Variants in SHTN1 observed in about 807,000 individuals in gnomAD.
SHTN1 encodes the protein shootin 1.
SHTN1 carries 42 observed loss-of-function variants against 83.1 expected under a neutral mutation model. That is an observed-to-expected ratio of 0.51 (90% CI 0.39 to 0.65). The LOEUF (loss-of-function observed/expected upper bound fraction) is 0.65, where lower values mean the gene tolerates loss of function less well. SHTN1 is among the 30% of genes least tolerant of loss of function. The pLI is 0.00. For synonymous variants in SHTN1, 224 were observed against 247.7 expected, an observed-to-expected ratio of 0.90 and a Z score of 0.90; for missense variants, 622 against 737.8, an observed-to-expected ratio of 0.84 and a Z score of 1.82.
chr10:116,965,255 G>A lies in SHTN1; in HGVS notation c.172+3397C>T, dbSNP rs1333942280. Among the ~76,000 whole-genome samples the A allele has an allele frequency of 2.0e-5, 3 of 152,180 alleles. No individual in the cohort carries two copies. The South Asian group carries it at 6.2e-4, about 32-fold the overall frequency. ...GCCTAGGCCGGGTGTGGTGGCTCAC[G>A]CCTGTAATCGCAGCACTTTGAGAGG... On this transcript the variant is annotated intron_variant, in intron 3 of 16. Coordinates refer to ENST00000355371, the MANE Select transcript of SHTN1 (RefSeq NM_001127211.3).
intron 3 of SHTN1, among the ~76,000 whole-genome samples, chr10:116,965,657 C>G (rs1483700060): frequency 6.6e-6 from 1 of 152,196 alleles, no homozygotes. Context: ...ATGATATGAA[C>G]TCTTAATACT....
In SHTN1 at chr10:117,120,248, AT is replaced by A. The variant is rs60258460; in HGVS notation, c.-189+6058del. On this transcript the variant is annotated intron_variant, in intron 1 of 17. Transcript: ENST00000392901. ...GGATATCCCATTTTTCCATGATGTG[AT>A]TTTTTTTTTTTTTTTTGAGACTGAG... Among the ~76,000 whole-genome samples, 713 of 139,848 alleles carry A rather than the reference AT, an allele frequency of 5.1e-3. 2 individuals carry two copies. The highest frequency in any genetic ancestry group is 0.026 in the South Asian group (112 of 4,390). 91.7% of individuals were successfully genotyped at this position (139,848 alleles called of 152,430 possible). A position where few individuals can be genotyped will look rare whatever the true frequency, so the allele number is the denominator to read the frequency against.
intron 2 of SHTN1, among the ~76,000 whole-genome samples, chr10:117,022,526 TG>T (rs1852278107): frequency 6.6e-6 from 1 of 151,536 alleles, no homozygotes; most frequent in African/African-American, 2.4e-5. Context: ...CAATATGCCA[TG>T]AAAAAAAAAA....
chr10:116,934,515 C>G (rs1197133449), intron 9 of SHTN1, among the ~76,000 whole-genome samples: 1 of 152,080 alleles, frequency 6.6e-6, no homozygotes, highest in East Asian at 1.9e-4. Flanking sequence ...CTGCTATGTT[C>G]CTTTGGTCTA....
At chr10:116,952,237 T>C (rs944517083) in intron 5 of SHTN1, among the ~76,000 whole-genome samples, 4 of 152,188 alleles carry the variant, frequency 2.6e-5, no homozygotes, top group Admixed American at 2.6e-4. Context: ...CTACATTAAA[T>C]GTACCAGATC....
chr10:117,123,907 C>CA (rs368750401), intron 1 of SHTN1, among the ~76,000 whole-genome samples: 6,659 of 81,284 alleles, frequency 0.082, 282 homozygotes, highest in Admixed American at 0.19. Context: ...CCCTGTCTCA[C>CA]AAAAAAAAAA....
intron 2 of SHTN1, among the ~76,000 whole-genome samples, chr10:117,039,714 G>A (rs993219429): frequency 3.2e-4 from 48 of 151,840 alleles, no homozygotes; most frequent in African/African-American, 1.1e-3. Flanking sequence ...TTAGCCGGGC[G>A]TGGTGGTGGG....
At chr10:116,891,738 T>G (rs1397760250) in intron 16 of SHTN1, among the ~76,000 whole-genome samples, 1 of 151,956 alleles carries the variant, frequency 6.6e-6, no homozygotes, top group East Asian at 1.9e-4. Context: ...GTCCAAAACT[T>G]CACAAATTTT....
At position 116,889,900 on chromosome 10, in the gene SHTN1, T is replaced by C. The variant is rs142708194; in HGVS notation, c.1674-3334A>G. ...TGGCTTGACATCACTAGGTCCACTC[T>C]TGGCTCCCACGGGCAGCTGCCCAAG... On this transcript the variant is annotated intron_variant, in intron 16 of 16. Coordinates refer to ENST00000355371, the MANE Select transcript of SHTN1 (RefSeq NM_001127211.3). 1.1e-3 allele frequency among the ~76,000 whole-genome samples: 163 copies of C among 152,324 alleles called. 1 individual carries two copies. Among genetic ancestry groups the C allele is most frequent in the African/African-American group, 3.7e-3 (152 of 41,572 alleles).
At position 116,884,027 on chromosome 10, in the gene SHTN1, GA is replaced by G. The variant is rs1197740197; in HGVS notation, c.*2316del. 1.2e-4 allele frequency: 26 copies of G among 218,830 alleles called. 1 individual carries two copies. The South Asian group carries it at 1.2e-3, about 10-fold the overall frequency. 13.6% of individuals were successfully genotyped at this position (218,830 alleles called of 1,614,324 possible). On this transcript the variant is annotated 3_prime_UTR_variant, in exon 17 of 17. Transcript: ENST00000355371. Reference sequence around the variant, plus strand: ...TGCATCAACATTCGTTTTTCTTAAAGAAAAAAAATCCTCTATAGCGCACAAG... The same window carrying G: ...TGCATCAACATTCGTTTTTCTTAAAGAAAAAAATCCTCTATAGCGCACAAG...
chr10:117,046,237 A>G (rs1249008744), intron 2 of SHTN1, among the ~76,000 whole-genome samples: 8 of 152,162 alleles, frequency 5.3e-5, no homozygotes, highest in Admixed American at 3.9e-4. Context: ...CAAAAAATAC[A>G]AAGAAGCTAG....
chr10:117,011,416 A>T (rs1334481820), intron 2 of SHTN1, among the ~76,000 whole-genome samples: 1 of 152,060 alleles, frequency 6.6e-6, no homozygotes, highest in Non-Finnish European at 1.5e-5. Flanking sequence ...ATACATGAGG[A>T]TTTATTTTGG....
chr10:116,900,623 T>G lies in SHTN1; in HGVS notation c.1673+1142A>C, dbSNP rs17095423. 4.3e-3 allele frequency: 6,488 copies of G among 1,524,974 alleles called. 311 individuals are homozygous for G. In the East Asian group the frequency reaches 0.12, roughly 29 times the overall value. 94.5% of individuals were successfully genotyped at this position (1,524,974 alleles called of 1,614,324 possible). The stretch of plus-strand genomic sequence containing the variant: ...AACTAACTTGTCTCAGCCAAATTGC[T>G]TTTGTGTCTGGATATTGGTTCAAAT... On this transcript the variant is annotated intron_variant, in intron 16 of 16. Coordinates refer to ENST00000355371, the MANE Select transcript of SHTN1 (RefSeq NM_001127211.3).
At position 116,921,606 on chromosome 10, in the gene SHTN1, G is replaced by C; in HGVS notation, c.1113-90C>G. ...AAATCTCACTCTTTGATAGGTGCAT[G>C]AATATATAACTAGAATCTAAGTAGT... On this transcript the variant is annotated intron_variant, in intron 11 of 16. Coordinates refer to ENST00000355371, the MANE Select transcript of SHTN1 (RefSeq NM_001127211.3). 3 of 822,372 alleles carry C rather than the reference G, an allele frequency of 3.6e-6. No individual in the cohort carries two copies. In the Admixed American group the frequency reaches 7.7e-5, roughly 21 times the overall value. The allele number at this position is 822,372 out of a possible 1,614,324, so 50.9% of individuals were successfully genotyped here. A position where few individuals can be genotyped will look rare whatever the true frequency, so the allele number is the denominator to read the frequency against.
chr10:117,092,257 A>C, intron 1 of SHTN1, among the ~76,000 whole-genome samples: 1 of 152,208 alleles, frequency 6.6e-6, no homozygotes, highest in Non-Finnish European at 1.5e-5. Context: ...GGATGTGAAC[A>C]TAATAGGTTA....
intron 1 of SHTN1, among the ~76,000 whole-genome samples, chr10:117,082,591 T>G (rs1430004678): frequency 6.6e-6 from 1 of 151,996 alleles, no homozygotes; most frequent in Non-Finnish European, 1.5e-5. Context: ...TGGGTATCCT[T>G]GTTGAATTTC....
intron 1 of SHTN1, among the ~76,000 whole-genome samples, chr10:117,121,479 T>G (rs1298198090): frequency 6.6e-6 from 1 of 150,892 alleles, no homozygotes; most frequent in African/African-American, 2.4e-5. Context: ...CTTGGGAGGC[T>G]GAGGCAGGAG....
At chr10:116,968,231 C>T (rs1313977468) in intron 3 of SHTN1, among the ~76,000 whole-genome samples, 3 of 152,100 alleles carry the variant, frequency 2.0e-5, no homozygotes, top group Admixed American at 2.0e-4. Flanking sequence ...TCTGTACTGA[C>T]ATGCAAATAT....
chr10:117,102,031 A>T (rs1853601552), intron 1 of SHTN1, among the ~76,000 whole-genome samples: 1 of 151,854 alleles, frequency 6.6e-6, no homozygotes, highest in South Asian at 2.1e-4. Flanking sequence ...GAAGAAGAAG[A>T]AGAAGTAAAG....
Sources: allele counts gnomAD v4.1 joint callset (sites outside exome capture counted in the v4.1 genomes callset), GRCh38; gene constraint gnomAD v4.1.1; transcripts MANE v1.5; gene names NCBI Gene and HGNC (gene_info 2026-07-23, HGNC 2026-07-21).